The following RBFOX2 variants were observed in gnomAD, a reference collection of about 807,000 sequenced individuals.
The protein encoded by RBFOX2 is RNA binding fox-1 homolog 2.
In RBFOX2, 10 loss-of-function variants were observed where a neutral mutation model predicts 49.1. That is an observed-to-expected ratio of 0.20 (90% CI 0.13 to 0.35). The LOEUF (loss-of-function observed/expected upper bound fraction) is 0.35, where lower values mean the gene tolerates loss of function less well. RBFOX2 is among the 10% of genes least tolerant of loss of function. The pLI is 1.00. For missense variants in RBFOX2, 323 were observed against 486.9 expected, an observed-to-expected ratio of 0.66 and a Z score of 3.17; for synonymous variants, 183 against 187.4, an observed-to-expected ratio of 0.98 and a Z score of 0.19.
At chr22:35,741,342 G>A (rs915884296) in exon 12 of RBFOX2, 1 of 152,236 alleles carries the variant, frequency 6.6e-6, no homozygotes, top group Non-Finnish European at 1.5e-5. Context: ...TAAGTTTTCT[G>A]GAATTATCAG....
At chr22:35,764,351 A>G (rs1054118770) in intron 6 of RBFOX2, among the ~76,000 whole-genome samples, 11 of 152,040 alleles carry the variant, frequency 7.2e-5, no homozygotes, top group African/African-American at 1.2e-4. Context: ...TTGGGAGGCC[A>G]CGGTGGGCGG....
intron 8 of RBFOX2, 130 bp from the exon 10 acceptor site, chr22:35,760,150 GCA>G: frequency 2.5e-6 from 3 of 1,213,462 alleles, no homozygotes; most frequent in Non-Finnish European, 3.5e-6. Context: ...GGAAAAGGTG[GCA>G]TGCATTCAAT....
chr22:35,968,724 AG>A (rs1352668189), intron 1 of RBFOX2, among the ~76,000 whole-genome samples: 2 of 152,358 alleles, frequency 1.3e-5, no homozygotes, highest in Middle Eastern at 3.4e-3. Context: ...ATGGTCCCAT[AG>A]TGCTAGGCAC....
chr22:35,992,275 GACA>G (rs2058014989), intron 1 of RBFOX2: 1 of 151,988 alleles, frequency 6.6e-6, no homozygotes, highest in Non-Finnish European at 1.5e-5. Flanking sequence ...TGCTTAGAGA[GACA>G]ACAGATAACC....
intron 8 of RBFOX2, 129 bp from the exon 10 acceptor site, chr22:35,760,149 GGCA>G: frequency 8.1e-7 from 1 of 1,235,022 alleles, no homozygotes; most frequent in Non-Finnish European, 1.1e-6. Context: ...TGGAAAAGGT[GGCA>G]TGCATTCAAT....
At chr22:35,979,264 A>G (rs1448316826) in intron 1 of RBFOX2, among the ~76,000 whole-genome samples, 2 of 152,238 alleles carry the variant, frequency 1.3e-5, no homozygotes, top group African/African-American at 4.8e-5. Context: ...AAGAGGTCTG[A>G]GGCGACATGC....
chr22:35,961,606 A>T (rs1485398024), exon 1 of RBFOX2: 1 of 1,302,872 alleles, frequency 7.7e-7, no homozygotes, highest in East Asian at 5.6e-5. Flanking sequence ...TGATGACATC[A>T]CTCTCTCTTC....
At position 35,934,405 on chromosome 22, in the gene RBFOX2, C is replaced by T. The variant is rs2052804944; in HGVS notation, c.-34+4442G>A. 2.6e-5 allele frequency among the ~76,000 whole-genome samples: 4 copies of T among 152,112 alleles called. No homozygotes were observed. The South Asian group carries it at 8.3e-4, about 32-fold the overall frequency. On this transcript the variant is annotated intron_variant, in intron 1 of 13. Coordinates refer to the RBFOX2 transcript ENST00000359369. The stretch of plus-strand genomic sequence containing the variant: ...ACCCACGGCCTACTAGTTCTGATCA[C>T]TTTGGTTAAGAAAACACTGACTGTA...
chr22:35,955,847 C>A (rs2055492231), intron 1 of RBFOX2, among the ~76,000 whole-genome samples: 1 of 152,158 alleles, frequency 6.6e-6, no homozygotes, highest in Non-Finnish European at 1.5e-5. Context: ...CTTCTGCATT[C>A]AATCTGTTTC....
chr22:35,739,330 G>GCTCAGAGA (rs1216331217), exon 12 of RBFOX2: 1 of 152,328 alleles, frequency 6.6e-6, no homozygotes, highest in African/African-American at 2.4e-5. Context: ...GGACTGAAAA[G>GCTCAGAGA]CTCAGAGACT....
chr22:35,814,263 A>G (rs2148275263), intron 1 of RBFOX2, among the ~76,000 whole-genome samples: 1 of 152,280 alleles, frequency 6.6e-6, no homozygotes, highest in East Asian at 1.9e-4. Context: ...AAATCCTTGG[A>G]TACTCAAGCC....
Position 35,996,665 on chromosome 22 carries a change from C to A in RBFOX2, c.186+31575G>T, listed in dbSNP as rs181531450. The A allele has an allele frequency of 6.0e-5, 9 of 150,354 alleles. No individual in the cohort carries two copies. In the East Asian group the frequency reaches 1.6e-3, roughly 26 times the overall value. 9.3% of individuals were successfully genotyped at this position (150,354 alleles called of 1,614,324 possible). On this transcript the variant is annotated intron_variant, in intron 1 of 13. Transcript: ENST00000438146. ...TAAAGGCAACTGTAAAGGCAAGACA[C>A]CTTTGACTTGAATAAAGCTCTTAAA...
chr22:35,834,350 A>T (rs1371739967), intron 1 of RBFOX2, among the ~76,000 whole-genome samples: 1 of 152,252 alleles, frequency 6.6e-6, no homozygotes, highest in Non-Finnish European at 1.5e-5. Context: ...TCATAAGCAT[A>T]TATAAAGATT....
intron 1 of RBFOX2, among the ~76,000 whole-genome samples, chr22:35,855,004 G>A (rs1477779945): frequency 6.6e-6 from 1 of 152,064 alleles, no homozygotes; most frequent in Non-Finnish European, 1.5e-5. Context: ...TTAACAGAAA[G>A]AAATTCCATG....
chr22:35,992,623 C>T (rs933892487), intron 1 of RBFOX2: 34 of 152,116 alleles, frequency 2.2e-4, no homozygotes, highest in East Asian at 1.9e-4. Context: ...ATTATGATAC[C>T]TAGTTTCCTT....
intron 5 of RBFOX2, among the ~76,000 whole-genome samples, chr22:35,767,952 A>T (rs1941515050): frequency 6.6e-6 from 1 of 152,194 alleles, no homozygotes; most frequent in Non-Finnish European, 1.5e-5. Flanking sequence ...AAAGGAAAAA[A>T]ATCAAGAGAG....
intron 1 of RBFOX2, among the ~76,000 whole-genome samples, chr22:35,979,347 C>T (rs545521585): frequency 6.6e-6 from 1 of 152,272 alleles, no homozygotes; most frequent in East Asian, 1.9e-4. Context: ...GGACAGCTGG[C>T]AAAATGTTAA....
intron 1 of RBFOX2, among the ~76,000 whole-genome samples, chr22:35,888,849 T>G (rs2046909988): frequency 6.6e-6 from 1 of 152,168 alleles, no homozygotes; most frequent in Non-Finnish European, 1.5e-5. Flanking sequence ...TAAAACCTAG[T>G]TCCCTGCTTC....
intron 1 of RBFOX2, among the ~76,000 whole-genome samples, chr22:36,024,424 T>G (rs142883376): frequency 1.8e-4 from 27 of 152,270 alleles, no homozygotes; most frequent in African/African-American, 6.5e-4. Context: ...CAGGGAAGGC[T>G]TCACAAAAGG....
Sources: allele counts gnomAD v4.1 joint callset (sites outside exome capture counted in the v4.1 genomes callset), GRCh38; gene constraint gnomAD v4.1.1; transcripts MANE v1.5; gene names NCBI Gene and HGNC (gene_info 2026-07-23, HGNC 2026-07-21).